Variants in INPP4A observed in about 807,000 individuals in gnomAD.
The protein encoded by INPP4A is inositol polyphosphate-4-phosphatase, type I, 107kD.
A neutral mutation model predicts 119.8 loss-of-function variants in INPP4A; 33 were observed. That is an observed-to-expected ratio of 0.28 (90% CI 0.21 to 0.37). The LOEUF (loss-of-function observed/expected upper bound fraction) is 0.37. INPP4A is among the 10% of genes least tolerant of loss of function. The pLI, the probability that INPP4A is intolerant of heterozygous loss-of-function variation, is 1.00. For synonymous variants in INPP4A, 496 were observed against 500.7 expected, an observed-to-expected ratio of 0.99 and a Z score of 0.12; for missense variants, 956 against 1,289.9, an observed-to-expected ratio of 0.74 and a Z score of 3.97.
intron 4 of INPP4A, among the ~76,000 whole-genome samples, chr2:98,522,695 A>G (rs141257321): frequency 3.2e-4 from 49 of 152,166 alleles, no homozygotes; most frequent in African/African-American, 1.2e-3. Context: ...GCTGAAAGAG[A>G]CCCATAACAA....
intron 1 of INPP4A, among the ~76,000 whole-genome samples, chr2:98,511,280 G>C (rs751392202): frequency 6.6e-6 from 1 of 152,134 alleles, no homozygotes; most frequent in African/African-American, 2.4e-5. Flanking sequence ...AGATGGTCTC[G>C]ATCTCCTGAC....
upstream of INPP4A, chr2:98,444,753 G>A (rs1205940703): frequency 1.3e-5 from 2 of 152,378 alleles, no homozygotes; most frequent in Non-Finnish European, 1.5e-5. Flanking sequence ...TCAGAGGGCG[G>A]ACCCAGCTCG....
intron 5 of INPP4A, among the ~76,000 whole-genome samples, chr2:98,534,058 A>G (rs1689737761): frequency 6.6e-6 from 1 of 152,230 alleles, no homozygotes; most frequent in Admixed American, 6.5e-5. Flanking sequence ...GAGATTCTGC[A>G]GAGTTTTATT....
intron 4 of INPP4A, among the ~76,000 whole-genome samples, chr2:98,526,126 C>T (rs1285883587): frequency 1.3e-5 from 2 of 152,060 alleles, no homozygotes; most frequent in Non-Finnish European, 2.9e-5. Context: ...AATGAATTAT[C>T]AATACATGTA....
At chr2:98,555,948 G>A in intron 16 of INPP4A, 140 bp downstream of exon 16, 1 of 1,007,642 alleles carries the variant, frequency 9.9e-7, no homozygotes, top group Non-Finnish European at 1.4e-6. Flanking sequence ...GGGCGTCCCA[G>A]TGCATGGAGC....
At chr2:98,460,200 A>G (rs910951001) in intron 1 of INPP4A, among the ~76,000 whole-genome samples, 1 of 152,092 alleles carries the variant, frequency 6.6e-6, no homozygotes, top group African/African-American at 2.4e-5. Context: ...GTGGTATTAT[A>G]GGTGCAAGGG....
intron 1 of INPP4A, among the ~76,000 whole-genome samples, chr2:98,472,356 G>A (rs112367927): frequency 0.015 from 2,358 of 152,322 alleles, 68 homozygotes; most frequent in African/African-American, 0.054. Flanking sequence ...CCACGGCAGC[G>A]TGCACAGACT....
At chr2:98,526,595 T>C (rs1348980360) in intron 4 of INPP4A, among the ~76,000 whole-genome samples, 1 of 152,170 alleles carries the variant, frequency 6.6e-6, no homozygotes, top group Non-Finnish European at 1.5e-5. Context: ...GGTTCAGAAC[T>C]CTGAAAATTA....
At chr2:98,456,300 C>T (rs1476095575) in intron 1 of INPP4A, among the ~76,000 whole-genome samples, 4 of 152,156 alleles carry the variant, frequency 2.6e-5, no homozygotes, top group Non-Finnish European at 5.9e-5. Context: ...GAACACGTTA[C>T]AGGGAGGTTG....
chr2:98,555,952 A>G (rs1250360854), intron 16 of INPP4A, 144 bp downstream of exon 16: 1 of 951,046 alleles, frequency 1.1e-6, no homozygotes, highest in South Asian at 1.7e-5. Context: ...GTCCCAGTGC[A>G]TGGAGCAGCA....
rs79185381 is a variant in INPP4A, at chr2:98,531,555, T to G, written c.152-1822T>G. 6.6e-4 allele frequency among the ~76,000 whole-genome samples: 101 copies of G among 152,270 alleles called. 2 individuals carry two copies. The East Asian group carries it at 0.01, about 15-fold the overall frequency. On this transcript the variant is annotated intron_variant, in intron 4 of 24. Transcript: ENST00000409851. ...ATAAAAACAAATGTACCTAGGCACA[T>G]CATAATAAAACTACTGAAAGCCATA...
At chr2:98,543,213 C>T (rs1328888373) in intron 10 of INPP4A, among the ~76,000 whole-genome samples, 1 of 152,254 alleles carries the variant, frequency 6.6e-6, no homozygotes, top group East Asian at 1.9e-4. Flanking sequence ...GGTCTTTGTC[C>T]CGTACCCAAA....
chr2:98,536,976 G>A (rs1430343837), intron 7 of INPP4A, among the ~76,000 whole-genome samples: 2 of 152,208 alleles, frequency 1.3e-5, no homozygotes, highest in African/African-American at 4.8e-5. Context: ...AAATGAGAGG[G>A]ATCATGTAAG....
chr2:98,531,699 G>T (rs930692640), intron 4 of INPP4A, among the ~76,000 whole-genome samples: 1 of 152,140 alleles, frequency 6.6e-6, no homozygotes, highest in Non-Finnish European at 1.5e-5. Flanking sequence ...TATTTAAAGG[G>T]CTTAGAGAAA....
chr2:98,503,719 G>A (rs975893341), intron 1 of INPP4A, among the ~76,000 whole-genome samples: 2 of 152,292 alleles, frequency 1.3e-5, no homozygotes, highest in Middle Eastern at 3.4e-3. Context: ...AGACTCCTTT[G>A]GACACTCTCA....
At chr2:98,514,369 T>C (rs1685704887) in intron 1 of INPP4A, among the ~76,000 whole-genome samples, 2 of 152,124 alleles carry the variant, frequency 1.3e-5, no homozygotes, top group Non-Finnish European at 2.9e-5. Flanking sequence ...AAGAGTATCT[T>C]TGTATGCTAA....
chr2:98,558,188 A>G (rs1694830254), intron 16 of INPP4A, among the ~76,000 whole-genome samples: 1 of 152,162 alleles, frequency 6.6e-6, no homozygotes, highest in African/African-American at 2.4e-5. Flanking sequence ...ATTGGGTTTA[A>G]TCCCTGATGC....
At chr2:98,478,889 G>A (rs1256057625) in intron 1 of INPP4A, among the ~76,000 whole-genome samples, 1 of 152,156 alleles carries the variant, frequency 6.6e-6, no homozygotes, top group African/African-American at 2.4e-5. Context: ...TTTGTAGATT[G>A]TTAGGACTTA....
chr2:98,564,810 T>G lies in INPP4A; in HGVS notation c.2152+47T>G, dbSNP rs189411665. On this transcript the variant is annotated intron_variant, in intron 19 of 24. Transcript: ENST00000409851. ...CGGGAGCCCCACTTGCGTGTGTGGTTTCCATCCTTTCTTGCTAGGCACTTT... is the reference window on the plus strand; with the variant it reads ...CGGGAGCCCCACTTGCGTGTGTGGTGTCCATCCTTTCTTGCTAGGCACTTT... 662 of 1,519,292 alleles carry G rather than the reference T, an allele frequency of 4.4e-4. 6 individuals carry two copies. In the East Asian group the frequency reaches 0.015, roughly 35 times the overall value. The allele number at this position is 1,519,292 out of a possible 1,614,324, so 94.1% of individuals were successfully genotyped here. A position where few individuals can be genotyped will look rare whatever the true frequency, so the allele number is the denominator to read the frequency against.
Sources: gnomAD v4.1 joint callset for allele counts (sites outside exome capture counted in the v4.1 genomes callset) on GRCh38, gnomAD v4.1.1 for gene constraint, MANE v1.5 for transcripts, NCBI Gene and HGNC (gene_info 2026-07-23, HGNC 2026-07-21) for gene names.